Variants in ZNF804B observed in about 807,000 individuals in gnomAD.
The protein encoded by ZNF804B is zinc finger 804B.
In ZNF804B, 80 loss-of-function variants were observed where a neutral mutation model predicts 101.4. The ratio of observed to expected loss-of-function variants is 0.79; its 90% CI spans 0.66 to 0.95. The LOEUF (loss-of-function observed/expected upper bound fraction) is 0.95. Among genes scored for constraint, ZNF804B ranks in the 40% least tolerant of loss-of-function variants. The pLI is 0.00. For missense variants in ZNF804B, 1,673 were observed against 1,561.9 expected (o/e 1.07, Z -1.20); for synonymous variants, 622 against 558.8 (o/e 1.11, Z -1.59).
chr7:88,791,398 C>T (rs981207862), intron 1 of ZNF804B, among the ~76,000 whole-genome samples: 3 of 152,000 alleles, frequency 2.0e-5, no homozygotes, highest in Non-Finnish European at 2.9e-5. Context: ...TGTTTATTTT[C>T]CAGTTATTTT....
intron 1 of ZNF804B, among the ~76,000 whole-genome samples, chr7:89,105,567 G>A (rs147112584): frequency 3.5e-4 from 54 of 152,138 alleles, no homozygotes; most frequent in Non-Finnish European, 7.2e-4. Flanking sequence ...CACCAACTGG[G>A]TAGGGGAAAA....
chr7:89,144,873 T>TAGGAGGCCAGGAGTTGGAGCTC (rs1322138381), intron 1 of ZNF804B, among the ~76,000 whole-genome samples: 2 of 151,890 alleles, frequency 1.3e-5, no homozygotes, highest in East Asian at 3.9e-4. Flanking sequence ...CCAAGCATGT[T>TAGGAGGCCAGGAGTTGGAGCTC]AGGAGGCCAG....
chr7:89,323,674 T>G (rs1790852473), intron 2 of ZNF804B, among the ~76,000 whole-genome samples: 1 of 152,172 alleles, frequency 6.6e-6, no homozygotes, highest in South Asian at 2.1e-4. Flanking sequence ...CCTCTTTGTT[T>G]ATTACCTAGA....
intron 1 of ZNF804B, among the ~76,000 whole-genome samples, chr7:89,126,239 A>G (rs949975690): frequency 1.3e-5 from 2 of 152,026 alleles, no homozygotes; most frequent in African/African-American, 4.8e-5. Flanking sequence ...TGAATATCAA[A>G]GAGAACAGTG....
At chr7:89,060,226 A>G (rs1355825687) in intron 1 of ZNF804B, among the ~76,000 whole-genome samples, 2 of 152,094 alleles carry the variant, frequency 1.3e-5, no homozygotes, top group African/African-American at 2.4e-5. Flanking sequence ...CTATATCTAT[A>G]TACATGTCAT....
intron 1 of ZNF804B, among the ~76,000 whole-genome samples, chr7:88,906,307 G>A (rs1166525017): frequency 6.6e-6 from 1 of 152,012 alleles, no homozygotes; most frequent in Admixed American, 6.6e-5. Flanking sequence ...GGATTGGTTT[G>A]TTCTTTTCTT....
chr7:88,810,973 T>G (rs1379857575), intron 1 of ZNF804B, among the ~76,000 whole-genome samples: 2 of 152,008 alleles, frequency 1.3e-5, no homozygotes, highest in Non-Finnish European at 2.9e-5. Flanking sequence ...AACCAGTTTA[T>G]GCCCAGGAGT....
At chr7:89,102,664 C>T (rs1283906301) in intron 1 of ZNF804B, among the ~76,000 whole-genome samples, 1 of 151,902 alleles carries the variant, frequency 6.6e-6, no homozygotes, top group African/African-American at 2.4e-5. Context: ...ACTTCATTTG[C>T]TATGCAGAAG....
At chr7:88,925,030 G>A (rs189794906) in intron 1 of ZNF804B, among the ~76,000 whole-genome samples, 97 of 152,232 alleles carry the variant, frequency 6.4e-4, no homozygotes, top group African/African-American at 2.2e-3. Context: ...TGTACTTTTA[G>A]TTAGGGCATT....
At chr7:89,097,544 T>C (rs1423518858) in intron 1 of ZNF804B, among the ~76,000 whole-genome samples, 4 of 152,144 alleles carry the variant, frequency 2.6e-5, no homozygotes, top group Admixed American at 1.3e-4. Flanking sequence ...ATTTCTTAAA[T>C]AGAATAATGA....
rs1790911937 is a variant in ZNF804B, at chr7:89,327,392, A to C, written c.298A>C (p.Lys100Gln). The change falls in exon 3 of 4, where the codon AAG (lysine) becomes CAG (glutamine). Residue 100 changes from lysine (K) to glutamine (Q), a missense_variant. Coordinates refer to ENST00000333190, the MANE Select transcript of ZNF804B (RefSeq NM_181646.5). ...QREFARNVAS[K>Q]SWKDEKKQEK... Reference sequence around the variant, plus strand: ...GGAATTTGCTCGAAATGTAGCTTCTAAGTCATGGAAAGATGAGAAAAAACA... The same window carrying C: ...GGAATTTGCTCGAAATGTAGCTTCTCAGTCATGGAAAGATGAGAAAAAACA... 1 of 1,610,798 alleles carries C rather than the reference A, an allele frequency of 6.2e-7. No individual in the cohort carries two copies. The highest frequency in any genetic ancestry group is 1.1e-5 in the South Asian group (1 of 90,536).
chr7:89,169,500 T>C lies in ZNF804B; in HGVS notation c.109-48655T>C, dbSNP rs550220723. On this transcript the variant is annotated intron_variant, in intron 1 of 3. Coordinates refer to ENST00000333190, the MANE Select transcript of ZNF804B (RefSeq NM_181646.5). Reference sequence around the variant, plus strand: ...TACAAGCCCTGTGTTTAAAGTTAGGTGTGGTCACCTTCCCCAGCTAGGCTT... The same window carrying C: ...TACAAGCCCTGTGTTTAAAGTTAGGCGTGGTCACCTTCCCCAGCTAGGCTT... Among the ~76,000 whole-genome samples, 11 of 152,266 alleles carry C rather than the reference T, an allele frequency of 7.2e-5. 1 individual carries two copies. The highest frequency in any genetic ancestry group is 1.3e-4 in the Non-Finnish European group (9 of 68,016).
chr7:89,202,270 A>C (rs1387107064), intron 1 of ZNF804B, among the ~76,000 whole-genome samples: 1 of 152,034 alleles, frequency 6.6e-6, no homozygotes, highest in South Asian at 2.1e-4. Context: ...CATCCCTCCT[A>C]TATCAGAGAA....
At chr7:88,869,229 C>T (rs1791779739) in intron 1 of ZNF804B, among the ~76,000 whole-genome samples, 1 of 152,094 alleles carries the variant, frequency 6.6e-6, no homozygotes, top group South Asian at 2.1e-4. Context: ...GAGAATAGGG[C>T]TAGTATTGGT....
intron 2 of ZNF804B, among the ~76,000 whole-genome samples, chr7:89,305,512 C>G (rs1762596145): frequency 6.6e-6 from 1 of 151,898 alleles, no homozygotes; most frequent in African/African-American, 2.4e-5. Flanking sequence ...ATTAGGTGTT[C>G]TTCCTCAACA....
intron 1 of ZNF804B, among the ~76,000 whole-genome samples, chr7:89,063,569 CTG>C (rs558449254): frequency 1.2e-3 from 186 of 152,146 alleles, no homozygotes; most frequent in African/African-American, 4.3e-3. Context: ...AGGTGGGAAA[CTG>C]GGGGAAGCAA....
intron 2 of ZNF804B, among the ~76,000 whole-genome samples, chr7:89,256,027 C>G (rs1203326663): frequency 6.6e-6 from 1 of 152,124 alleles, no homozygotes; most frequent in Middle Eastern, 3.4e-3. Flanking sequence ...ATTAAAAGCA[C>G]ATTAGTATTT....
intron 2 of ZNF804B, among the ~76,000 whole-genome samples, chr7:89,273,950 G>A (rs1204167309): frequency 1.3e-5 from 2 of 151,868 alleles, no homozygotes; most frequent in East Asian, 3.9e-4. Flanking sequence ...TCTCAAGTCA[G>A]TAGCCACATT....
intron 1 of ZNF804B, among the ~76,000 whole-genome samples, chr7:89,034,234 AG>A (rs1788886144): frequency 6.6e-6 from 1 of 152,150 alleles, no homozygotes; most frequent in Non-Finnish European, 1.5e-5. Context: ...ATTAGAAAGA[AG>A]ACTTTTTTTG....
Sources: gnomAD v4.1 joint callset for allele counts (sites outside exome capture counted in the v4.1 genomes callset) on GRCh38, gnomAD v4.1.1 for gene constraint, MANE v1.5 for transcripts, NCBI Gene and HGNC (gene_info 2026-07-23, HGNC 2026-07-21) for gene names.